The following PCDHGA7 variants were observed in gnomAD, a reference collection of about 807,000 sequenced individuals.
The protein encoded by PCDHGA7 is protocadherin gamma subfamily A, 7.
Under a neutral mutation model 58.3 loss-of-function variants are expected in PCDHGA7, and 44 were observed. The observed-to-expected ratio is 0.75, with a 90% CI of 0.59 to 0.97. PCDHGA7 has a LOEUF of 0.97. Ranked by LOEUF, PCDHGA7 falls within the 50% of genes least tolerant of loss-of-function variation. The pLI, the probability that PCDHGA7 is intolerant of heterozygous loss-of-function variation, is 0.00. For missense variants in PCDHGA7, 1,266 were observed against 1,188.7 expected, an observed-to-expected ratio of 1.06 and a Z score of -0.96; for synonymous variants, 516 against 504.2, an observed-to-expected ratio of 1.02 and a Z score of -0.31.
chr5:141,403,358 G>A (rs1031210052), intron 1 of PCDHGA7: 1 of 1,614,026 alleles, frequency 6.2e-7, no homozygotes. Flanking sequence ...GTTCCAGGCC[G>A]AAAGTCTGGA....
At position 141,489,774 on chromosome 5, in the gene PCDHGA7, C is replaced by T; in HGVS notation, c.2425-5033C>T. The T allele has an allele frequency of 1.2e-6, 2 of 1,614,164 alleles. No homozygotes were observed. Among genetic ancestry groups the T allele is most frequent in the Non-Finnish European group, 8.5e-7 (1 of 1,179,998 alleles). On this transcript the variant is annotated intron_variant, in intron 1 of 3. Transcript: ENST00000518325. The surrounding 1 kb of genome is among the most constrained non-coding windows in gnomAD (Gnocchi z 4.5). The stretch of plus-strand genomic sequence containing the variant: ...ACACTCTAAGCCCCAACAGCCACTT[C>T]TCTCTGAATGTGAAGACCCTAAAAG...
Position 141,476,525 on chromosome 5 carries a change from A to T in PCDHGA7, c.2425-18282A>T, listed in dbSNP as rs766638463. On this transcript the variant is annotated intron_variant, in intron 1 of 3. Coordinates refer to ENST00000518325, the MANE Select transcript of PCDHGA7 (RefSeq NM_018920.4). This position sits in a 1 kb window ranked among gnomAD's most constrained non-coding sequence, Gnocchi z 7.6. ...CAACGACAACAATCCTGCTTTCCCTACCCAGGAAATGAAATTGGAGATTAG... is the reference window on the plus strand; with the variant it reads ...CAACGACAACAATCCTGCTTTCCCTTCCCAGGAAATGAAATTGGAGATTAG... The T allele has an allele frequency of 6.2e-7, 1 of 1,614,068 alleles. No homozygotes were observed. The highest frequency in any genetic ancestry group is 2.2e-5 in the East Asian group (1 of 44,854).
At chr5:141,393,265 G>T (rs755014362) in intron 1 of PCDHGA7, 3 of 1,613,904 alleles carry the variant, frequency 1.9e-6, no homozygotes, top group South Asian at 1.1e-5. Flanking sequence ...CCTGGAGCAC[G>T]TTATCCACTC....
chr5:141,409,172 G>C (rs574905228), intron 1 of PCDHGA7: 1 of 1,614,006 alleles, frequency 6.2e-7, no homozygotes, highest in Non-Finnish European at 8.5e-7. Context: ...AGCGAAGGAC[G>C]GAGGTGGTCT....
At chr5:141,478,639 A>G (rs377308663) in intron 1 of PCDHGA7, 168 of 1,552,322 alleles carry the variant, frequency 1.1e-4, no homozygotes, top group Non-Finnish European at 1.0e-4. Context: ...TTAGTGATGA[A>G]GATGTTTTCC....
At position 141,485,614 on chromosome 5, in the gene PCDHGA7, T is replaced by G; in HGVS notation, c.2425-9193T>G. 1 of 1,612,236 alleles carries G rather than the reference T, an allele frequency of 6.2e-7. No individual in the cohort carries two copies. Among genetic ancestry groups the G allele is most frequent in the Non-Finnish European group, 8.5e-7 (1 of 1,178,686 alleles). On this transcript the variant is annotated intron_variant, in intron 1 of 3. Transcript: ENST00000518325. The surrounding 1 kb of genome is among the most constrained non-coding windows in gnomAD (Gnocchi z 5.7). ...ACTTGGAAATTGGGGAGGCAGCTCC[T>G]CCAGGACAGCGTTTCCCGTTGGAAA...
Position 141,491,722 on chromosome 5 carries a change from CG to C in PCDHGA7, c.2425-3082del. Reference sequence around the variant, plus strand: ...CCAGGTGAGGGGCTCGGCGCCGCCCCGGGCGACCCCTGGGGGCGGCACTGGA... The same window carrying C: ...CCAGGTGAGGGGCTCGGCGCCGCCCCGGCGACCCCTGGGGGCGGCACTGGA... On this transcript the variant is annotated intron_variant, in intron 1 of 3. Transcript: ENST00000518325. The surrounding 1 kb of genome is among the most constrained non-coding windows in gnomAD (Gnocchi z 6.9). The C allele has an allele frequency of 1.2e-6, 2 of 1,607,004 alleles. No homozygotes were observed. Among genetic ancestry groups the C allele is most frequent in the Non-Finnish European group, 1.7e-6 (2 of 1,177,148 alleles).
chr5:141,490,399 C>T lies in PCDHGA7; in HGVS notation c.2425-4408C>T. The T allele has an allele frequency of 1.2e-6, 2 of 1,614,148 alleles. No homozygotes were observed. Among genetic ancestry groups the T allele is most frequent in the Non-Finnish European group, 1.7e-6 (2 of 1,180,016 alleles). On this transcript the variant is annotated intron_variant, in intron 1 of 3. Transcript: ENST00000518325. This position sits in a 1 kb window ranked among gnomAD's most constrained non-coding sequence, Gnocchi z 5.4. ...CTCAGGTAGAAATGGTGAAGTGAGC[C>T]TTGATATCTCTCCGGACCTGCCATT... is the stretch of plus-strand genomic sequence containing the variant.
At chr5:141,390,164 G>C in intron 1 of PCDHGA7, 1 of 1,614,006 alleles carries the variant, frequency 6.2e-7, no homozygotes, top group Non-Finnish European at 8.5e-7. Context: ...CAGGAAAGAC[G>C]GAGTTTAATT....
At chr5:141,464,426 G>GAT (rs1287556960) in intron 1 of PCDHGA7, among the ~76,000 whole-genome samples, 1 of 151,096 alleles carries the variant, frequency 6.6e-6, no homozygotes, top group African/African-American at 2.4e-5. Flanking sequence ...TATATATATA[G>GAT]ATATATATGT....
rs1373310406 is a variant in PCDHGA7 at position 141,385,101 on chromosome 5, C to A, written c.2202C>A (p.Asn734Lys). The change falls in exon 1 of 4, where the codon AAC becomes AAA. Residue 734 changes from asparagine to lysine, a missense_variant. Physicochemically the swap from Asn to Lys is moderately conservative, Grantham distance 94. Coordinates refer to ENST00000518325, the MANE Select transcript of PCDHGA7 (RefSeq NM_018920.4). ...AGGCTTCAGAAGGTGGCTTGGCGAA[C>A]GTGCCCACCTCGCACTTTGTGGGCA... is the stretch of plus-strand genomic sequence containing the variant. Reference protein sequence around the residue: ...LLQASEGGLANVPTSHFVGMD... With the variant: ...LLQASEGGLAKVPTSHFVGMD... 1.2e-6 allele frequency: 2 copies of A among 1,614,194 alleles called. No homozygotes were observed. The highest frequency in any genetic ancestry group is 2.2e-5 in the East Asian group (1 of 44,880).
chr5:141,394,321 C>T lies in PCDHGA7; in HGVS notation c.2424+8998C>T, dbSNP rs11575959. ...ACGCTGCAGGGGGCGCCCCTGTCCT[C>T]GTATATCTCCATCAACTCTGACACC... On this transcript the variant is annotated intron_variant, in intron 1 of 3. Coordinates refer to ENST00000518325, the MANE Select transcript of PCDHGA7 (RefSeq NM_018920.4). 25 of 1,613,846 alleles carry T rather than the reference C, an allele frequency of 1.5e-5. No homozygotes were observed. The Admixed American group carries it at 2.7e-4, about 17-fold the overall frequency.
intron 1 of PCDHGA7, 102 bp from the exon 2 acceptor site, chr5:141,494,705 G>A (rs2099756254): frequency 1.3e-6 from 2 of 1,597,990 alleles, no homozygotes; most frequent in East Asian, 2.2e-5. Context: ...TTTCTTCTCT[G>A]TGCCCACTCC....
At chr5:141,414,570 C>T in intron 1 of PCDHGA7, 1 of 1,613,980 alleles carries the variant, frequency 6.2e-7, no homozygotes. Context: ...TTACCTATAT[C>T]CCAGAGAACA....
intron 1 of PCDHGA7, among the ~76,000 whole-genome samples, chr5:141,435,619 T>A (rs2097772280): frequency 6.6e-6 from 1 of 152,190 alleles, no homozygotes; most frequent in Non-Finnish European, 1.5e-5. Context: ...AAATTCCCCA[T>A]AACTTTTACA....
intron 1 of PCDHGA7, chr5:141,399,459 C>A (rs897098728): frequency 6.2e-7 from 1 of 1,614,012 alleles, no homozygotes; most frequent in African/African-American, 1.3e-5. Flanking sequence ...TCAACGATAA[C>A]GCTCCGGTTT....
chr5:141,462,240 A>G (rs375419703), intron 1 of PCDHGA7, among the ~76,000 whole-genome samples: 2 of 152,216 alleles, frequency 1.3e-5, no homozygotes, highest in South Asian at 4.1e-4. Context: ...GATTACAGGT[A>G]TGAGCCACCA....
At chr5:141,478,785 A>C in intron 1 of PCDHGA7, 1 of 1,482,486 alleles carries the variant, frequency 6.7e-7, no homozygotes, top group Non-Finnish European at 9.0e-7. Flanking sequence ...GACCTAATTC[A>C]CATCCTCAGC....
intron 1 of PCDHGA7, among the ~76,000 whole-genome samples, chr5:141,437,614 A>G (rs113599071): frequency 3.1e-4 from 47 of 152,242 alleles, no homozygotes; most frequent in Non-Finnish European, 5.1e-4. Flanking sequence ...AATCTGCTTT[A>G]TCCCCATATA....
Sources: gnomAD v4.1 joint callset for allele counts (sites outside exome capture counted in the v4.1 genomes callset) on GRCh38, gnomAD v4.1.1 for gene constraint, Gnocchi (gnomAD v3.1) non-coding constraint, MANE v1.5 for transcripts, NCBI Gene and HGNC (gene_info 2026-07-23, HGNC 2026-07-21) for gene names.